The following FOXN3 variants were observed in gnomAD, a reference collection of about 807,000 sequenced individuals.
The protein encoded by FOXN3 is forkhead box protein N3.
Under a neutral mutation model 38.4 loss-of-function variants are expected in FOXN3, and 7 were observed. The observed-to-expected ratio is 0.18, with a 90% CI of 0.10 to 0.34. The LOEUF (loss-of-function observed/expected upper bound fraction) is 0.34. Ranked by LOEUF, FOXN3 falls within the 10% of genes least tolerant of loss-of-function variation. The pLI is 1.00. For missense variants in FOXN3, 456 were observed against 613.4 expected, an observed-to-expected ratio of 0.74 and a Z score of 2.71; for synonymous variants, 230 against 242.2, an observed-to-expected ratio of 0.95 and a Z score of 0.47.
At chr14:89,408,319 T>C (rs1891446226) in intron 2 of FOXN3, among the ~76,000 whole-genome samples, 1 of 151,836 alleles carries the variant, frequency 6.6e-6, no homozygotes, top group African/African-American at 2.4e-5. Context: ...TCACCTAGGC[T>C]GTATCTCGGC....
At chr14:89,461,888 T>C (rs1014793879) in intron 1 of FOXN3, among the ~76,000 whole-genome samples, 5 of 152,190 alleles carry the variant, frequency 3.3e-5, no homozygotes, top group African/African-American at 1.2e-4. Context: ...CATCCAATTC[T>C]TAGGGATCCC....
At chr14:89,576,386 G>A (rs1030307185) in intron 1 of FOXN3, 2 of 152,124 alleles carry the variant, frequency 1.3e-5, no homozygotes, top group African/African-American at 4.8e-5. Context: ...GAGAGAATGG[G>A]CCCTCAAATG....
chr14:89,537,049 T>C (rs1364300686), intron 1 of FOXN3, among the ~76,000 whole-genome samples: 3 of 152,192 alleles, frequency 2.0e-5, no homozygotes, highest in African/African-American at 7.2e-5. Flanking sequence ...GCTGCTCCTC[T>C]CTCCTCTGGG....
At chr14:89,507,789 AAG>A (rs199644591) in intron 1 of FOXN3, among the ~76,000 whole-genome samples, 4,316 of 151,504 alleles carry the variant, frequency 0.028, 90 homozygotes, top group Non-Finnish European at 0.045. Flanking sequence ...TCATTAAAAA[AAG>A]AAAAAAAAAA....
intron 1 of FOXN3, among the ~76,000 whole-genome samples, chr14:89,613,759 G>A (rs1896440871): frequency 1.3e-5 from 2 of 152,148 alleles, no homozygotes; most frequent in African/African-American, 2.4e-5. Context: ...ATGTACAGAG[G>A]GGTCTGTCCT....
chr14:89,204,954 AC>A (rs1888341183), intron 4 of FOXN3, among the ~76,000 whole-genome samples: 2 of 142,564 alleles, frequency 1.4e-5, no homozygotes, highest in African/African-American at 6.2e-5. Context: ...TTAAGACTAT[AC>A]ATAAAGGTAT....
chr14:89,415,809 A>C (rs1173800363), intron 1 of FOXN3, among the ~76,000 whole-genome samples: 3 of 134,764 alleles, frequency 2.2e-5, no homozygotes, highest in Admixed American at 7.6e-5. Flanking sequence ...CAGATACGCA[A>C]ATAGTTATTC....
chr14:89,288,639 C>T (rs1275767568), intron 3 of FOXN3, among the ~76,000 whole-genome samples: 1 of 102,772 alleles, frequency 9.7e-6, no homozygotes, highest in Non-Finnish European at 1.9e-5. Context: ...ATGGAAACGA[C>T]ATACTCCAAA....
chr14:89,516,211 C>T (rs1276401803), intron 1 of FOXN3, among the ~76,000 whole-genome samples: 1 of 152,158 alleles, frequency 6.6e-6, no homozygotes, highest in Non-Finnish European at 1.5e-5. Context: ...AGATGGCTAT[C>T]TGTGAAGATA....
At chr14:89,406,255 A>T (rs114717274) in intron 2 of FOXN3, among the ~76,000 whole-genome samples, 1,723 of 152,088 alleles carry the variant, frequency 0.011, 36 homozygotes, top group African/African-American at 0.039. Context: ...CCCTACAAAA[A>T]AAAAAAATCT....
intron 5 of FOXN3, among the ~76,000 whole-genome samples, chr14:89,170,044 C>G (rs771192491): frequency 2.6e-5 from 4 of 152,120 alleles, no homozygotes; most frequent in Non-Finnish European, 5.9e-5. Context: ...AAGACTGGAA[C>G]AAGTTGTGCT....
intron 3 of FOXN3, among the ~76,000 whole-genome samples, chr14:89,343,894 C>T (rs1888692466): frequency 6.6e-6 from 1 of 152,100 alleles, no homozygotes; most frequent in African/African-American, 2.4e-5. Flanking sequence ...TCCCGAGTAG[C>T]TGATTGCAGG....
chr14:89,231,077 A>C (rs908896283), intron 4 of FOXN3, among the ~76,000 whole-genome samples: 2 of 152,160 alleles, frequency 1.3e-5, no homozygotes, highest in African/African-American at 4.8e-5. Flanking sequence ...GATGAGGAGA[A>C]GCATGCCTGC....
chr14:89,567,969 G>C (rs143137745), intron 1 of FOXN3, among the ~76,000 whole-genome samples: 2 of 151,802 alleles, frequency 1.3e-5, no homozygotes, highest in African/African-American at 4.8e-5. Flanking sequence ...TGATCCACCC[G>C]CCTCGGCCTC....
At chr14:89,560,453 C>A (rs1895225846) in intron 1 of FOXN3, among the ~76,000 whole-genome samples, 13 of 152,326 alleles carry the variant, frequency 8.5e-5, no homozygotes, top group Middle Eastern at 3.4e-3. Context: ...GGGAACCATA[C>A]CCCATCCCTA....
At chr14:89,188,700 G>A (rs1887870768) in intron 4 of FOXN3, among the ~76,000 whole-genome samples, 2 of 152,176 alleles carry the variant, frequency 1.3e-5, no homozygotes, top group South Asian at 2.1e-4. Context: ...GAAGGTGCTC[G>A]AATCTTACAT....
intron 5 of FOXN3, among the ~76,000 whole-genome samples, chr14:89,174,981 TA>T (rs1370192652): frequency 6.6e-6 from 1 of 152,202 alleles, no homozygotes; most frequent in East Asian, 1.9e-4. Context: ...ACCCTCAAGT[TA>T]CATAATTGGA....
At chr14:89,350,647 A>G (rs1888932744) in intron 3 of FOXN3, 25 bp downstream of exon 3, 2 of 1,491,810 alleles carry the variant, frequency 1.3e-6, no homozygotes, top group African/African-American at 2.9e-5. Context: ...CAGTAGACCA[A>G]AAAAAAGAAG....
At chr14:89,347,331 G>T (rs548782322) in intron 3 of FOXN3, among the ~76,000 whole-genome samples, 1 of 152,348 alleles carries the variant, frequency 6.6e-6, no homozygotes, top group East Asian at 1.9e-4. Context: ...AAGTGAAGGT[G>T]AAGGCAGAAA....
Sources: gnomAD v4.1 joint callset for allele counts (sites outside exome capture counted in the v4.1 genomes callset) on GRCh38, gnomAD v4.1.1 for gene constraint, MANE v1.5 for transcripts, NCBI Gene and HGNC (gene_info 2026-07-23, HGNC 2026-07-21) for gene names.